Variants in SLC17A6 observed in about 807,000 individuals in gnomAD.
The protein encoded by SLC17A6 is solute carrier family 17 member 6, also known as vesicular glutamate transporter 2.
Under a neutral mutation model 67.1 loss-of-function variants are expected in SLC17A6, and 35 were observed. The ratio of observed to expected loss-of-function variants is 0.52; its 90% CI spans 0.40 to 0.69. The LOEUF is 0.69. Ranked by LOEUF, SLC17A6 falls within the 30% of genes least tolerant of loss-of-function variation. The pLI is 0.00. For synonymous variants in SLC17A6, 285 were observed against 252.3 expected, an observed-to-expected ratio of 1.13 and a Z score of -1.23; for missense variants, 588 against 723.9, an observed-to-expected ratio of 0.81 and a Z score of 2.15.
intron 4 of SLC17A6, among the ~76,000 whole-genome samples, chr11:22,360,333 G>A (rs1043430651): frequency 6.6e-6 from 1 of 152,072 alleles, no homozygotes; most frequent in African/African-American, 2.4e-5. Context: ...TTGGGGAAGG[G>A]CAGTGTAGGG....
At chr11:22,372,218 T>G (rs1856181923) in intron 8 of SLC17A6, among the ~76,000 whole-genome samples, 1 of 151,786 alleles carries the variant, frequency 6.6e-6, no homozygotes, top group Non-Finnish European at 1.5e-5. Flanking sequence ...ACTGTATATA[T>G]AAATAAAATT....
At chr11:22,374,269 G>T (rs762048698) in intron 8 of SLC17A6, among the ~76,000 whole-genome samples, 3 of 151,998 alleles carry the variant, frequency 2.0e-5, no homozygotes, top group Non-Finnish European at 2.9e-5. Flanking sequence ...TGCATTACCT[G>T]GGATCTTACT....
At chr11:22,370,000 T>C (rs777134566) in intron 7 of SLC17A6, 39 bp from the exon 8 acceptor site, 73 of 1,586,672 alleles carry the variant, frequency 4.6e-5, no homozygotes, top group Middle Eastern at 1.8e-4. Context: ...TTTGAAAATA[T>C]TTAAAATGGT....
At chr11:22,341,108 A>G (rs1855810149) in intron 1 of SLC17A6, among the ~76,000 whole-genome samples, 1 of 152,172 alleles carries the variant, frequency 6.6e-6, no homozygotes, top group African/African-American at 2.4e-5. Context: ...GTCAGGGTAA[A>G]GCCCTGCTGG....
chr11:22,350,714 CA>C (rs1291319494), intron 3 of SLC17A6, among the ~76,000 whole-genome samples: 3 of 152,064 alleles, frequency 2.0e-5, no homozygotes, highest in African/African-American at 7.2e-5. Flanking sequence ...ATATTCACAC[CA>C]GAAGTGGGTT....
chr11:22,369,054 G>A (rs1283054128), intron 7 of SLC17A6, among the ~76,000 whole-genome samples: 1 of 146,340 alleles, frequency 6.8e-6, no homozygotes, highest in Non-Finnish European at 1.5e-5. Flanking sequence ...CACGTGAAAG[G>A]TGTTTGCTTC....
At chr11:22,343,156 T>C (rs1284358135) in intron 2 of SLC17A6, 91 bp from the exon 3 acceptor site, 1 of 1,052,156 alleles carries the variant, frequency 9.5e-7, no homozygotes, top group Admixed American at 1.9e-5. Flanking sequence ...GCCCAAGCCT[T>C]GGGGGCTTTT....
chr11:22,372,406 T>C (rs1856183954), intron 8 of SLC17A6, among the ~76,000 whole-genome samples: 1 of 150,806 alleles, frequency 6.6e-6, no homozygotes, highest in Admixed American at 6.6e-5. Context: ...ATATATATAA[T>C]TTAATATATT....
chr11:22,365,898 G>A (rs1856106690), intron 7 of SLC17A6, among the ~76,000 whole-genome samples: 1 of 151,816 alleles, frequency 6.6e-6, no homozygotes, highest in Non-Finnish European at 1.5e-5. Context: ...CCTTTCTTAA[G>A]CATTTAAAAA....
At chr11:22,367,806 C>T (rs113273078) in intron 7 of SLC17A6, among the ~76,000 whole-genome samples, 1 of 152,208 alleles carries the variant, frequency 6.6e-6, no homozygotes, top group Non-Finnish European at 1.5e-5. Context: ...CAGCTCCCCA[C>T]TTCCTATACC....
At chr11:22,338,812 GGTGTGTGTGTGTGT>G (rs3047441) in intron 1 of SLC17A6, among the ~76,000 whole-genome samples, 193 bp downstream of exon 1, 17 of 136,334 alleles carry the variant, frequency 1.2e-4, no homozygotes, top group African/African-American at 3.1e-4. Context: ...GAACCTGTCT[GGTGTGTGTGTGTGT>G]GTGTGTGTGT....
intron 9 of SLC17A6, among the ~76,000 whole-genome samples, chr11:22,375,092 G>C (rs962233114): frequency 6.6e-6 from 1 of 151,938 alleles, no homozygotes; most frequent in Non-Finnish European, 1.5e-5. Flanking sequence ...GCCATTTGTG[G>C]CCAGGCACGG....
chr11:22,373,461 T>C (rs890349817), intron 8 of SLC17A6, among the ~76,000 whole-genome samples: 2 of 151,438 alleles, frequency 1.3e-5, no homozygotes, highest in African/African-American at 2.4e-5. Flanking sequence ...AAAGCAATAA[T>C]GATTTTTTTT....
rs557418362 is a variant in SLC17A6, at chr11:22,366,776, G to T, written c.891+1087G>T. On this transcript the variant is annotated intron_variant, in intron 7 of 11. Coordinates refer to ENST00000263160, the MANE Select transcript of SLC17A6 (RefSeq NM_020346.3). ...TCCCAGCACTTTGGGAGGCCGAGGC[G>T]GGTGGATTGCCTGAGGTCAGGAGTT... Among the ~76,000 whole-genome samples the T allele has an allele frequency of 3.3e-5, 5 of 152,070 alleles. No homozygotes were observed. In the South Asian group the frequency reaches 8.3e-4, roughly 25 times the overall value.
intron 2 of SLC17A6, chr11:22,342,821 A>G: frequency 5.6e-6 from 2 of 357,802 alleles, no homozygotes; most frequent in Non-Finnish European, 1.1e-5. Flanking sequence ...GAATTTCCCG[A>G]TTTAAGTCTC....
intron 1 of SLC17A6, among the ~76,000 whole-genome samples, chr11:22,339,181 T>TTATATATA (rs60197884): frequency 3.6e-5 from 3 of 82,810 alleles, no homozygotes; most frequent in East Asian, 2.9e-4. Flanking sequence ...TATATATGTT[T>TTATATATA]TATATATATA....
At position 22,374,905 on chromosome 11, in the gene SLC17A6, A is replaced by G. The variant is rs762833439; in HGVS notation, c.1174+18A>G. The G allele has an allele frequency of 2.5e-6, 4 of 1,599,678 alleles. No individual in the cohort carries two copies. The African/African-American group carries it at 4.0e-5, about 16-fold the overall frequency. ...TTGTGGTGGTAAGTACATAAGTGGC[A>G]CTAAGGACATGTTTTTAGTTCAATC... On this transcript the variant is annotated intron_variant, in intron 9 of 11. Coordinates refer to ENST00000263160, the MANE Select transcript of SLC17A6 (RefSeq NM_020346.3).
intron 2 of SLC17A6, 50 bp from the exon 3 acceptor site, chr11:22,343,197 G>A: frequency 1.4e-6 from 2 of 1,466,074 alleles, no homozygotes; most frequent in Non-Finnish European, 9.5e-7. Flanking sequence ...GTGAGCCTTT[G>A]GTACTGACTC....
intron 8 of SLC17A6, 115 bp from the exon 9 acceptor site, chr11:22,374,640 A>G: frequency 1.2e-6 from 1 of 836,874 alleles, no homozygotes; most frequent in South Asian, 2.7e-5. Flanking sequence ...TGGAAAGATT[A>G]TTTTTCCTTC....
Sources: gnomAD v4.1 joint callset for allele counts (sites outside exome capture counted in the v4.1 genomes callset) on GRCh38, gnomAD v4.1.1 for gene constraint, MANE v1.5 for transcripts, NCBI Gene and HGNC (gene_info 2026-07-23, HGNC 2026-07-21) for gene names.